Variants in ATF6 observed in about 807,000 individuals in gnomAD.
ATF6 encodes activating transcription factor 6, also known as cyclic AMP-dependent transcription factor ATF-6 alpha.
A neutral mutation model predicts 83.6 loss-of-function variants in ATF6; 53 were observed. The observed-to-expected ratio is 0.63, with a 90% CI of 0.51 to 0.80. The LOEUF is 0.80. Among genes scored for constraint, ATF6 ranks in the 30% least tolerant of loss-of-function variants. The pLI is 0.00. For synonymous variants in ATF6, 288 were observed against 285.8 expected (o/e 1.01, Z -0.08); for missense variants, 744 against 797.9 (o/e 0.93, Z 0.81).
chr1:161,789,763 G>C (rs1293055810), intron 4 of ATF6, among the ~76,000 whole-genome samples: 46 of 152,052 alleles, frequency 3.0e-4, no homozygotes, highest in Admixed American at 3.0e-3. Flanking sequence ...ATTTTATTGA[G>C]GAATACTTGT....
At chr1:161,892,594 A>G (rs1388816692) in intron 14 of ATF6, among the ~76,000 whole-genome samples, 2 of 145,394 alleles carry the variant, frequency 1.4e-5, no homozygotes, top group Non-Finnish European at 1.5e-5. Flanking sequence ...AAAGTCCCTC[A>G]TTAGCATTTC....
At chr1:161,875,455 C>G (rs75840360) in intron 14 of ATF6, among the ~76,000 whole-genome samples, 21,513 of 151,716 alleles carry the variant, frequency 0.14, 2,088 homozygotes, top group East Asian at 0.32. Context: ...AATGTTGACA[C>G]ATTTTATTAT....
At chr1:161,889,034 T>TATCACA (rs1687493455) in intron 14 of ATF6, among the ~76,000 whole-genome samples, 2 of 152,350 alleles carry the variant, frequency 1.3e-5, no homozygotes, top group African/African-American at 4.8e-5. Context: ...CCGCATCCTT[T>TATCACA]ATCACACTCC....
intron 6 of ATF6, among the ~76,000 whole-genome samples, chr1:161,795,628 G>T (rs1684998781): frequency 6.6e-6 from 1 of 152,192 alleles, no homozygotes; most frequent in Non-Finnish European, 1.5e-5. Flanking sequence ...AAAATATATG[G>T]CATTGAATCC....
chr1:161,914,022 T>A (rs1458382193), intron 15 of ATF6, among the ~76,000 whole-genome samples: 1 of 152,236 alleles, frequency 6.6e-6, no homozygotes, highest in Non-Finnish European at 1.5e-5. Context: ...TTTCATGGAT[T>A]TGGAAAAATC....
rs1422673475 is a variant in ATF6, at chr1:161,961,640, A to AT, written c.*2993dup. The AT allele has an allele frequency of 7.1e-6, 1 of 140,992 alleles. No homozygotes were observed. Among genetic ancestry groups the AT allele is most frequent in the Non-Finnish European group, 1.5e-5 (1 of 64,678 alleles). 8.7% of individuals were successfully genotyped at this position (140,992 alleles called of 1,614,324 possible). Reference sequence around the variant, plus strand: ...GCCAGAAATTGTGGGTAATGTGTGTATTTTTTTATTTATTAAATTTTAAAC... The same window carrying AT: ...GCCAGAAATTGTGGGTAATGTGTGTATTTTTTTTATTTATTAAATTTTAAAC... On this transcript the variant is annotated 3_prime_UTR_variant, in exon 16 of 16. Transcript: ENST00000367942.
chr1:161,817,518 T>C (rs1685640556), intron 7 of ATF6, among the ~76,000 whole-genome samples: 1 of 152,086 alleles, frequency 6.6e-6, no homozygotes, highest in African/African-American at 2.4e-5. Flanking sequence ...TGCGTGCGTG[T>C]GTGTGTGTGT....
intron 15 of ATF6, among the ~76,000 whole-genome samples, chr1:161,947,808 G>A (rs905186414): frequency 1.7e-4 from 16 of 96,092 alleles, no homozygotes; most frequent in Admixed American, 2.9e-4. Context: ...CTTAAGCCAC[G>A]CCTTTTTTTT....
intron 7 of ATF6, among the ~76,000 whole-genome samples, chr1:161,816,327 T>G (rs1357142227): frequency 6.6e-6 from 1 of 152,200 alleles, no homozygotes; most frequent in Non-Finnish European, 1.5e-5. Context: ...GTCAGAGTAT[T>G]GATTTTATGT....
intron 14 of ATF6, among the ~76,000 whole-genome samples, chr1:161,897,324 C>T (rs1326517247): frequency 6.6e-6 from 1 of 152,032 alleles, no homozygotes; most frequent in Non-Finnish European, 1.5e-5. Context: ...GTCCCAGCTA[C>T]TCACAGGCTG....
intron 2 of ATF6, among the ~76,000 whole-genome samples, chr1:161,780,916 A>T (rs1246786352): frequency 6.6e-6 from 1 of 151,936 alleles, no homozygotes; most frequent in African/African-American, 2.4e-5. Flanking sequence ...GGGTTTTGCC[A>T]TGTTGCCCAG....
intron 14 of ATF6, among the ~76,000 whole-genome samples, chr1:161,879,024 G>T (rs1448965399): frequency 1.3e-5 from 2 of 152,136 alleles, no homozygotes; most frequent in Non-Finnish European, 2.9e-5. Context: ...TAAAAGAGAA[G>T]TCGAGTCCTT....
intron 15 of ATF6, among the ~76,000 whole-genome samples, chr1:161,952,801 C>T (rs1688891976): frequency 6.6e-6 from 1 of 152,096 alleles, no homozygotes; most frequent in African/African-American, 2.4e-5. Context: ...GGTGGTGACT[C>T]AGATATCAGG....
intron 14 of ATF6, among the ~76,000 whole-genome samples, chr1:161,898,329 G>C (rs1038614080): frequency 1.3e-5 from 2 of 152,002 alleles, no homozygotes; most frequent in Admixed American, 1.3e-4. Flanking sequence ...CCAAATAGAG[G>C]GTAGATTTAG....
chr1:161,892,738 G>A (rs558958028), intron 14 of ATF6, among the ~76,000 whole-genome samples: 1 of 150,406 alleles, frequency 6.6e-6, no homozygotes, highest in Admixed American at 6.7e-5. Flanking sequence ...CCAGGTTCAA[G>A]AGATTCTCCT....
intron 9 of ATF6, among the ~76,000 whole-genome samples, chr1:161,833,005 C>G (rs1430928158): frequency 6.6e-6 from 1 of 152,210 alleles, no homozygotes; most frequent in Non-Finnish European, 1.5e-5. Flanking sequence ...AGGCACCCCC[C>G]AGTAGGGGCG....
chr1:161,829,189 C>CTTTTTTTTTTTT lies in ATF6; in HGVS notation c.1187+8042_1187+8053dup, dbSNP rs35619050. Among the ~76,000 whole-genome samples, 174 of 72,594 alleles carry CTTTTTTTTTTTT rather than the reference C, an allele frequency of 2.4e-3. 16 individuals carry two copies. The highest frequency in any genetic ancestry group is 6.8e-3 in the East Asian group (12 of 1,754). The allele number at this position is 72,594 out of a possible 152,430, so 47.6% of individuals were successfully genotyped here. On this transcript the variant is annotated intron_variant, in intron 9 of 15. Coordinates refer to ENST00000367942, the MANE Select transcript of ATF6 (RefSeq NM_007348.4). ...ACTCCCACACAATCATAATGGGAGACTTTTTTTTTTTTTTTTTTTTTTTTT... is the reference window on the plus strand; with the variant it reads ...ACTCCCACACAATCATAATGGGAGACTTTTTTTTTTTTTTTTTTTTTTTTTTTTTTTTTTTTT...
chr1:161,800,615 A>G (rs540830120), intron 6 of ATF6, among the ~76,000 whole-genome samples: 2 of 152,358 alleles, frequency 1.3e-5, no homozygotes, highest in Middle Eastern at 6.8e-3. Context: ...AATCACCAGA[A>G]TACCAGTGTC....
intron 12 of ATF6, among the ~76,000 whole-genome samples, chr1:161,854,732 C>T (rs563182712): frequency 1.3e-5 from 2 of 152,104 alleles, no homozygotes; most frequent in South Asian, 2.1e-4. Context: ...GTTAGCCAGG[C>T]GTGGTGGCGG....
Sources: allele counts gnomAD v4.1 joint callset (sites outside exome capture counted in the v4.1 genomes callset), GRCh38; gene constraint gnomAD v4.1.1; transcripts MANE v1.5; gene names NCBI Gene and HGNC (gene_info 2026-07-23, HGNC 2026-07-21).